The following CHGA variants were observed in gnomAD, a reference collection of about 807,000 sequenced individuals.
CHGA encodes chromogranin-A.
Under a neutral mutation model 54.4 loss-of-function variants are expected in CHGA, and 41 were observed. The observed-to-expected ratio is 0.75, with a 90% CI of 0.59 to 0.98. CHGA has a LOEUF of 0.98. CHGA is among the 50% of genes least tolerant of loss of function. The pLI, the probability that CHGA is intolerant of heterozygous loss-of-function variation, is 0.00. For synonymous variants in CHGA, 249 were observed against 232.8 expected (o/e 1.07, Z -0.63); for missense variants, 576 against 582.3 (o/e 0.99, Z 0.11).
In CHGA at chr14:92,931,630, G is replaced by A. The variant is rs770235356; in HGVS notation, c.736G>A (p.Glu246Lys). ...TGAGGCTGGAGAGGAGGCTGTCCCC[G>A]AGGAAGAAGGCCCCACTGTAGTGCT... The part of the protein sequence containing the change: ...EAEAGEEAVP[E>K]EEGPTVVLNP... Residue 246 changes from glutamate (E) to lysine (K), a missense_variant, in exon 6 of 8, where the codon GAG (glutamate) becomes AAG (lysine). Glu to Lys is a moderately conservative substitution (Grantham distance 56). Coordinates refer to ENST00000216492, the MANE Select transcript of CHGA (RefSeq NM_001275.4). The A allele has an allele frequency of 5.6e-6, 9 of 1,611,418 alleles. No homozygotes were observed. Among genetic ancestry groups the A allele is most frequent in the South Asian group, 2.2e-5 (2 of 90,592 alleles).
At chr14:92,925,128 T>A (rs1425031813) in intron 2 of CHGA, among the ~76,000 whole-genome samples, 2 of 152,230 alleles carry the variant, frequency 1.3e-5, no homozygotes, top group African/African-American at 4.8e-5. Context: ...GGAAAATTCC[T>A]TAATTTCTCT....
Position 92,923,235 on chromosome 14 carries a change from C to A in CHGA, c.-125C>A. ...ACCGACAGACGGACGCACGCCGAGG[C>A]ACTGCGCCCCCAGCCCCGCGCCGGT... On this transcript the variant is annotated 5_prime_UTR_variant, in exon 1 of 8. Transcript: ENST00000216492. The A allele has an allele frequency of 1.2e-6, 1 of 818,258 alleles. No homozygotes were observed. Among genetic ancestry groups the A allele is most frequent in the Non-Finnish European group, 1.6e-6 (1 of 617,788 alleles). The allele number at this position is 818,258 out of a possible 1,614,324, so 50.7% of individuals were successfully genotyped here.
chr14:92,934,996 TC>T lies in CHGA; in HGVS notation c.*114del. The T allele has an allele frequency of 1.1e-6, 1 of 918,414 alleles. No individual in the cohort carries two copies. Among genetic ancestry groups the T allele is most frequent in the Non-Finnish European group, 1.6e-6 (1 of 631,874 alleles). 56.9% of individuals were successfully genotyped at this position (918,414 alleles called of 1,614,324 possible). On this transcript the variant is annotated 3_prime_UTR_variant, in exon 8 of 8. Coordinates refer to ENST00000216492, the MANE Select transcript of CHGA (RefSeq NM_001275.4). ...TGCTGCTTCCGGTAGGGAGGCAGCC[TC>T]CAGCCTGCCCAAGCCCAGGCCACCC...
chr14:92,923,423 G>A lies in CHGA; in HGVS notation c.46+18G>A. 7.9e-7 allele frequency: 1 copy of A among 1,258,290 alleles called. No individual in the cohort carries two copies. Among genetic ancestry groups the A allele is most frequent in the Non-Finnish European group, 1.0e-6 (1 of 1,002,174 alleles). The allele number at this position is 1,258,290 out of a possible 1,614,324, so 77.9% of individuals were successfully genotyped here. A position where few individuals can be genotyped will look rare whatever the true frequency, so the allele number is the denominator to read the frequency against. On this transcript the variant is annotated intron_variant, in intron 1 of 7. Coordinates refer to ENST00000216492, the MANE Select transcript of CHGA (RefSeq NM_001275.4). Reference sequence around the variant, plus strand: ...CGGGCAAGGTGAGCGAGCGCGGGGAGCTCGCGGGAGAGGGTTCCGGGCGCC... The same window carrying A: ...CGGGCAAGGTGAGCGAGCGCGGGGAACTCGCGGGAGAGGGTTCCGGGCGCC...
In CHGA at chr14:92,931,710, TGATGGCGAA is replaced by T; in HGVS notation, c.808+11_808+19del. On this transcript the variant is annotated intron_variant, in intron 6 of 7. Transcript: ENST00000216492. Reference sequence around the variant, plus strand: ...AGATCCGGAAAGGCGAGAGTACGTATGATGGCGAAGACCTCAACGAACGTGTCTGGGAGA... The same window carrying T: ...AGATCCGGAAAGGCGAGAGTACGTATGACCTCAACGAACGTGTCTGGGAGA... 6.4e-7 allele frequency: 1 copy of T among 1,552,302 alleles called. No individual in the cohort carries two copies. Among genetic ancestry groups the T allele is most frequent in the Middle Eastern group, 1.7e-4 (1 of 5,736 alleles).
Position 92,932,802 on chromosome 14 carries a change from A to C in CHGA, c.1241A>C (p.Tyr414Ser). ...GGCCTGCCCCTCCAGGTCCGAGGCT[A>C]CCCCGAGGAGAAGAAAGAGGAGGAG... is the stretch of plus-strand genomic sequence containing the variant. The part of the protein sequence containing the change: ...EAGLPLQVRG[Y>S]PEEKKEEEGS... Residue 414 changes from tyrosine (Y) to serine (S), a missense_variant, in exon 7 of 8, where the codon TAC becomes TCC. Transcript: ENST00000216492. The surrounding 1 kb of genome is among the most constrained non-coding windows in gnomAD (Gnocchi z 5.3). The C allele has an allele frequency of 6.4e-7, 1 of 1,556,544 alleles. No homozygotes were observed. The highest frequency in any genetic ancestry group is 8.7e-7 in the Non-Finnish European group (1 of 1,150,344).
chr14:92,926,717 G>A lies in CHGA; in HGVS notation c.187+19G>A. 6.2e-7 allele frequency: 1 copy of A among 1,606,072 alleles called. No homozygotes were observed. Among genetic ancestry groups the A allele is most frequent in the Non-Finnish European group, 8.5e-7 (1 of 1,172,908 alleles). Reference sequence around the variant, plus strand: ...CGAGGAGGTATGAGCTGGAGGCTAGGGGTGAGGGCTGCTGCCTGCTGGGCT... The same window carrying A: ...CGAGGAGGTATGAGCTGGAGGCTAGAGGTGAGGGCTGCTGCCTGCTGGGCT... On this transcript the variant is annotated intron_variant, in intron 3 of 7. Transcript: ENST00000216492.
chr14:92,935,253 T>G lies in CHGA; in HGVS notation c.*369T>G, dbSNP rs1044966354. The G allele has an allele frequency of 7.3e-5, 16 of 218,410 alleles. 1 individual carries two copies. In the East Asian group the frequency reaches 1.6e-3, roughly 22 times the overall value. The allele number at this position is 218,410 out of a possible 1,614,324, so 13.5% of individuals were successfully genotyped here. Reference sequence around the variant, plus strand: ...TGTAACATATTCTGTATGAACTTTATCTAAAGAAAAATAAATCTGTTCTGG... The same window carrying G: ...TGTAACATATTCTGTATGAACTTTAGCTAAAGAAAAATAAATCTGTTCTGG... On this transcript the variant is annotated 3_prime_UTR_variant, in exon 8 of 8. Transcript: ENST00000216492.
chr14:92,923,760 T>C (rs1046827065), intron 1 of CHGA, among the ~76,000 whole-genome samples: 4 of 152,112 alleles, frequency 2.6e-5, no homozygotes, highest in Admixed American at 6.5e-5. Flanking sequence ...TCCACCCCTC[T>C]TCCCCTTTCA....
chr14:92,929,824 C>A lies in CHGA; in HGVS notation c.355+9C>A, dbSNP rs376916901. The A allele has an allele frequency of 6.2e-7, 1 of 1,610,112 alleles. No individual in the cohort carries two copies. Among genetic ancestry groups the A allele is most frequent in the Admixed American group, 1.7e-5 (1 of 60,014 alleles). On this transcript the variant is annotated intron_variant, in intron 5 of 7. Coordinates refer to ENST00000216492, the MANE Select transcript of CHGA (RefSeq NM_001275.4). ...CCAGGCCGAGCTGAAAGGTCTGTCC[C>A]AGCCGGTCTGGCCGGAGGTGGGGAA...
At chr14:92,924,148 G>C in intron 1 of CHGA, 51 bp from the exon 2 acceptor site, 1 of 1,588,710 alleles carries the variant, frequency 6.3e-7, no homozygotes, top group African/African-American at 1.3e-5. Flanking sequence ...GAAAGGACTG[G>C]CCTCCACTTG....
At position 92,929,763 on chromosome 14, in the gene CHGA, A is replaced by G. The variant is rs772080100; in HGVS notation, c.303A>G (p.Glu101=). 6.2e-7 allele frequency: 1 copy of G among 1,613,820 alleles called. No homozygotes were observed. The highest frequency in any genetic ancestry group is 1.7e-5 in the Admixed American group (1 of 60,020). ...AHQQKKHSGF[E]DELSEVLENQ... ...AGCAGAAGAAACACAGCGGTTTTGA[A>G]GATGAACTCTCAGAGGTTCTTGAGA... Residue 101 remains glutamate (E), a synonymous_variant, in exon 5 of 8, where the codon GAA becomes GAG. Transcript: ENST00000216492.
intron 3 of CHGA, 117 bp from the exon 4 acceptor site, chr14:92,927,433 C>G (rs1886908096): frequency 1.3e-6 from 1 of 770,964 alleles, no homozygotes; most frequent in Non-Finnish European, 2.2e-6. Context: ...CTTGCTGCCA[C>G]CACCCTGGTT....
chr14:92,929,672 C>T, intron 4 of CHGA, 45 bp from the exon 5 acceptor site: 1 of 1,560,148 alleles, frequency 6.4e-7, no homozygotes, highest in Admixed American at 1.7e-5. Context: ...ACAAATATGC[C>T]ACAGCTGCAC....
rs1250042195 is a variant in CHGA at position 92,932,936 on chromosome 14, C to T, written c.1290+85C>T. The T allele has an allele frequency of 7.0e-7, 1 of 1,436,036 alleles. No individual in the cohort carries two copies. Among genetic ancestry groups the T allele is most frequent in the Middle Eastern group, 2.6e-4 (1 of 3,896 alleles). The allele number at this position is 1,436,036 out of a possible 1,614,324, so 89.0% of individuals were successfully genotyped here. ...ACCCAGACACACTGCCCCTGCCCCA[C>T]TGAGGGGACAGGGCCCCCCCGCCGA... On this transcript the variant is annotated intron_variant, in intron 7 of 7. Transcript: ENST00000216492. The surrounding 1 kb of genome is among the most constrained non-coding windows in gnomAD (Gnocchi z 5.3).
At chr14:92,923,449 C>T in intron 1 of CHGA, 44 bp downstream of exon 1, 1 of 1,241,652 alleles carries the variant, frequency 8.1e-7, no homozygotes. Flanking sequence ...TCCGGGCGCC[C>T]CTGCCCACCT....
intron 7 of CHGA, among the ~76,000 whole-genome samples, chr14:92,934,379 G>A (rs919083475): frequency 2.6e-5 from 4 of 152,208 alleles, no homozygotes; most frequent in Non-Finnish European, 5.9e-5. Flanking sequence ...ATTCCCCTCA[G>A]GTGGGAAGGC....
intron 6 of CHGA, 71 bp downstream of exon 6, chr14:92,931,773 C>T: frequency 7.0e-7 from 1 of 1,422,732 alleles, no homozygotes; most frequent in East Asian, 2.3e-5. Context: ...GAGCCTTCTC[C>T]ATAACCTCAT....
rs185229400 is a variant in CHGA, at chr14:92,932,537, G to C, written c.976G>C (p.Glu326Gln). The C allele has an allele frequency of 1.3e-6, 2 of 1,554,280 alleles. No individual in the cohort carries two copies. The highest frequency in any genetic ancestry group is 1.7e-6 in the Non-Finnish European group (2 of 1,148,740). ...LFRGGKSGELEQEEERLSKEW... is the reference protein window; with the variant it reads ...LFRGGKSGELQQEEERLSKEW... ...CCGGGGTGGGAAGAGCGGAGAGCTG[G>C]AGCAGGAGGAGGAGCGGCTCTCCAA... is the stretch of plus-strand genomic sequence containing the variant. The change falls in exon 7 of 8, where the codon GAG becomes CAG. Residue 326 changes from glutamate to glutamine, a missense_variant. Transcript: ENST00000216492. The surrounding 1 kb of genome is among the most constrained non-coding windows in gnomAD (Gnocchi z 5.3).
Sources: gnomAD v4.1 joint callset for allele counts (sites outside exome capture counted in the v4.1 genomes callset) on GRCh38, gnomAD v4.1.1 for gene constraint, Gnocchi (gnomAD v3.1) non-coding constraint, MANE v1.5 for transcripts, NCBI Gene and HGNC (gene_info 2026-07-23, HGNC 2026-07-21) for gene names.